The following DHRSX variants were observed in gnomAD, a reference collection of about 807,000 sequenced individuals.
The protein encoded by DHRSX is dehydrogenase/reductase X-linked, also known as polyprenol dehydrogenase.
A neutral mutation model predicts 34.0 loss-of-function variants in DHRSX; 31 were observed. The ratio of observed to expected loss-of-function variants is 0.91; its 90% CI spans 0.69 to 1.23. DHRSX has a LOEUF of 1.23. DHRSX is among the 50% of genes most tolerant of loss of function. DHRSX has a pLI of 0.00. For missense variants in DHRSX, 414 were observed against 428.1 expected (o/e 0.97, Z 0.29); for synonymous variants, 201 against 183.8 (o/e 1.09, Z -0.76).
At chrX:2,245,395 A>G (rs1250971172) in intron 5 of DHRSX, among the ~76,000 whole-genome samples, 11 of 150,826 alleles carry the variant, frequency 7.3e-5, no homozygotes, top group Non-Finnish European at 1.5e-4. Flanking sequence ...TGCAACCTCT[A>G]CCTCCTGGGT....
intron 1 of DHRSX, among the ~76,000 whole-genome samples, chrX:2,467,828 G>C (rs946548590): frequency 1.3e-5 from 2 of 151,898 alleles, no homozygotes; most frequent in Admixed American, 6.6e-5. Context: ...TATAAAATTA[G>C]CCAGGCATGG....
Position 2,500,818 on chromosome X carries a change from T to C in DHRSX, c.108A>G (p.Pro36=). Residue 36 remains proline, a splice_region_variant and synonymous_variant, in exon 1 of 7, where the codon CCA becomes CCG. Coordinates refer to ENST00000334651, the MANE Select transcript of DHRSX (RefSeq NM_145177.3). ...TGACCCCTGCCCCGCCCCGCTGACC[T>C]GGCTCCAGGAAGCCCCCGCGGCAGC... ...LRRCRGGFLE[P]VFPPRPDRVA... 1 of 1,039,146 alleles carries C rather than the reference T, an allele frequency of 9.6e-7. No homozygotes were observed. The allele number at this position is 1,039,146 out of a possible 1,614,324, so 64.4% of individuals were successfully genotyped here.
At chrX:2,282,502 T>G in intron 4 of DHRSX, among the ~76,000 whole-genome samples, 1 of 128,824 alleles carries the variant, frequency 7.8e-6, no homozygotes, top group African/African-American at 3.0e-5. Flanking sequence ...ACAAAGGAGA[T>G]AGAGAGACAA....
chrX:2,350,391 A>G (rs754123854), intron 3 of DHRSX, among the ~76,000 whole-genome samples: 1 of 152,306 alleles, frequency 6.6e-6, no homozygotes, highest in African/African-American at 2.4e-5. Context: ...ACAATGGAAT[A>G]CCACGCAGCC....
chrX:2,359,493 C>G (rs917596335), intron 3 of DHRSX, among the ~76,000 whole-genome samples: 1 of 152,100 alleles, frequency 6.6e-6, no homozygotes, highest in Admixed American at 6.6e-5. Context: ...CTGGCCAACA[C>G]ATGGTGAAAC....
Position 2,254,946 on chromosome X carries a change from G to GCC in DHRSX, c.597-11718_597-11717dup, listed in dbSNP as rs1019729155. 6.8e-3 allele frequency among the ~76,000 whole-genome samples: 708 copies of GCC among 104,672 alleles called. 5 individuals carry two copies. Among genetic ancestry groups the GCC allele is most frequent in the Middle Eastern group, 9.8e-3 (2 of 204 alleles). 68.7% of individuals were successfully genotyped at this position (104,672 alleles called of 152,430 possible). A position where few individuals can be genotyped will look rare whatever the true frequency, so the allele number is the denominator to read the frequency against. ...GTGTGAGCCACTGTGCCTGCCCCACGCCCCCCCCCTTTTTTTTCTTTTTTT... is the reference window on the plus strand; with the variant it reads ...GTGTGAGCCACTGTGCCTGCCCCACGCCCCCCCCCCCTTTTTTTTCTTTTTTT... On this transcript the variant is annotated intron_variant, in intron 5 of 6. Coordinates refer to ENST00000334651, the MANE Select transcript of DHRSX (RefSeq NM_145177.3).
Position 2,434,698 on chromosome X carries a change from T to G in DHRSX, c.110-9394A>C, listed in dbSNP as rs183260630. 2.8e-3 allele frequency among the ~76,000 whole-genome samples: 432 copies of G among 152,260 alleles called. 9 individuals are homozygous for G. The highest frequency in any genetic ancestry group is 0.024 in the Admixed American group (367 of 15,290). ...TAAAATAAAGAAAAGAAAATTTACATGCATTTTCTTTTTGGCTCAGCTATT... is the reference window on the plus strand; with the variant it reads ...TAAAATAAAGAAAAGAAAATTTACAGGCATTTTCTTTTTGGCTCAGCTATT... On this transcript the variant is annotated intron_variant, in intron 1 of 6. Transcript: ENST00000334651.
intron 1 of DHRSX, among the ~76,000 whole-genome samples, chrX:2,455,761 A>AAAAC (rs1225830315): frequency 4.0e-5 from 6 of 150,564 alleles, no homozygotes; most frequent in Admixed American, 2.0e-4. Context: ...AAAAAAAAAA[A>AAAAC]CAATAAAAAG....
At chrX:2,235,499 C>T (rs774327220) in intron 6 of DHRSX, among the ~76,000 whole-genome samples, 7 of 151,896 alleles carry the variant, frequency 4.6e-5, no homozygotes, top group African/African-American at 7.2e-5. Context: ...CATCCCAGCA[C>T]TCTGGGAGGC....
At chrX:2,463,881 G>A (rs17842863) in intron 1 of DHRSX, among the ~76,000 whole-genome samples, 64,113 of 151,988 alleles carry the variant, frequency 0.42, 13,714 homozygotes, top group South Asian at 0.55. Flanking sequence ...GATCGCCACC[G>A]AGTACGAACT....
intron 5 of DHRSX, among the ~76,000 whole-genome samples, chrX:2,253,453 G>A (rs1371882171): frequency 6.6e-6 from 1 of 152,126 alleles, no homozygotes; most frequent in African/African-American, 2.4e-5. Flanking sequence ...CCGCACTGCA[G>A]CCTGGGAGGT....
chrX:2,446,465 C>A (rs1386484857), intron 1 of DHRSX, among the ~76,000 whole-genome samples: 1 of 151,832 alleles, frequency 6.6e-6, no homozygotes, highest in African/African-American at 2.4e-5. Context: ...TGAAGACGGT[C>A]TCGAGGCTTG....
intron 1 of DHRSX, among the ~76,000 whole-genome samples, chrX:2,455,090 C>CA (rs1166135925): frequency 7.1e-6 from 1 of 140,854 alleles, no homozygotes; most frequent in Non-Finnish European, 1.5e-5. Flanking sequence ...CCAGCCTGGG[C>CA]AACAAGAGGG....
chrX:2,350,452 G>T (rs1427273542), intron 3 of DHRSX, among the ~76,000 whole-genome samples: 2 of 152,166 alleles, frequency 1.3e-5, no homozygotes, highest in South Asian at 4.1e-4. Flanking sequence ...GAACCTGGGG[G>T]ATGTTAACGT....
chrX:2,397,809 A>T (rs1296514396), intron 3 of DHRSX, among the ~76,000 whole-genome samples: 1 of 152,164 alleles, frequency 6.6e-6, no homozygotes, highest in African/African-American at 2.4e-5. Context: ...TGCAAAGCAG[A>T]CCATACACAA....
intron 3 of DHRSX, among the ~76,000 whole-genome samples, chrX:2,373,996 G>C (rs2043111276): frequency 6.6e-6 from 1 of 152,206 alleles, no homozygotes; most frequent in African/African-American, 2.4e-5. Context: ...TAGCAAGTTT[G>C]AGAAACAGTC....
At chrX:2,499,656 C>T (rs767839256) in intron 1 of DHRSX, among the ~76,000 whole-genome samples, 47 of 152,134 alleles carry the variant, frequency 3.1e-4, no homozygotes, top group Non-Finnish European at 5.7e-4. Flanking sequence ...CCTGTAAACC[C>T]AGCACTTTGG....
At chrX:2,305,837 T>A (rs2042091098) in intron 3 of DHRSX, among the ~76,000 whole-genome samples, 1 of 144,036 alleles carries the variant, frequency 6.9e-6, no homozygotes, top group Non-Finnish European at 1.5e-5. Context: ...CTGGGGCCTG[T>A]TGGGGGGTGG....
At chrX:2,390,209 T>C (rs1251938699) in intron 3 of DHRSX, among the ~76,000 whole-genome samples, 1 of 147,698 alleles carries the variant, frequency 6.8e-6, no homozygotes, top group African/African-American at 2.5e-5. Context: ...AATAGCGCGA[T>C]CTCAGCTCAC....
Sources: allele counts gnomAD v4.1 joint callset (sites outside exome capture counted in the v4.1 genomes callset), GRCh38; gene constraint gnomAD v4.1.1; transcripts MANE v1.5; gene names NCBI Gene and HGNC (gene_info 2026-07-23, HGNC 2026-07-21).